HS1BP3: variants seen among roughly 807,000 people sequenced by gnomAD.
The protein encoded by HS1BP3 is HCLS1 binding protein 3.
A neutral mutation model predicts 33.5 loss-of-function variants in HS1BP3; 32 were observed. The ratio of observed to expected loss-of-function variants is 0.95; its 90% confidence interval spans 0.72 to 1.28. The LOEUF (loss-of-function observed/expected upper bound fraction) is 1.28, where lower values mean the gene tolerates loss of function less well. Ranked by LOEUF, HS1BP3 falls within the 50% of genes most tolerant of loss-of-function variation. The pLI, the probability that HS1BP3 is intolerant of heterozygous loss-of-function variation, is 0.00. For synonymous variants in HS1BP3, 187 were observed against 209.2 expected (o/e 0.89, Z 0.92); for missense variants, 486 against 502.3 (o/e 0.97, Z 0.31).
chr2:20,641,462 A>C (rs1572361056), intron 2 of HS1BP3, among the ~76,000 whole-genome samples: 1 of 151,910 alleles, frequency 6.6e-6, no homozygotes, highest in South Asian at 2.1e-4. Context: ...TGATACAGGG[A>C]CCCCTGCCCA....
chr2:20,639,911 G>C (rs1312332665), intron 3 of HS1BP3: 1 of 152,272 alleles, frequency 6.6e-6, no homozygotes, highest in Non-Finnish European at 1.5e-5. Context: ...GGAACAACAA[G>C]GGCAGAAGAG....
At chr2:20,606,645 TG>T in intron 2 of HS1BP3, 1 of 451,786 alleles carries the variant, frequency 2.2e-6, no homozygotes. Context: ...TTCTTGTCCT[TG>T]GGTGGCATTG....
intron 1 of HS1BP3, among the ~76,000 whole-genome samples, chr2:20,646,834 G>C (rs932990064): frequency 6.6e-6 from 1 of 152,228 alleles, no homozygotes; most frequent in Non-Finnish European, 1.5e-5. Context: ...CCTGTGTGAA[G>C]TCACTTCCGC....
At chr2:20,635,967 A>T (rs1234171108) in intron 4 of HS1BP3, 2 of 152,216 alleles carry the variant, frequency 1.3e-5, no homozygotes, top group Non-Finnish European at 2.9e-5. Flanking sequence ...GCCGTGGAGC[A>T]GCCCTTCAGC....
chr2:20,576,377 T>C (rs1693400353), intron 5 of HS1BP3, among the ~76,000 whole-genome samples: 1 of 152,228 alleles, frequency 6.6e-6, no homozygotes, highest in Non-Finnish European at 1.5e-5. Flanking sequence ...GAGAACCAGC[T>C]GGAACCTCAC....
At chr2:20,585,981 G>C (rs1693671156) in intron 5 of HS1BP3, among the ~76,000 whole-genome samples, 1 of 152,052 alleles carries the variant, frequency 6.6e-6, no homozygotes, top group South Asian at 2.1e-4. Context: ...GGCAGGGCTG[G>C]GGCTAGAACT....
At chr2:20,617,003 T>C (rs1334882034), downstream of HS1BP3, among the ~76,000 whole-genome samples, 1 of 151,946 alleles carries the variant, frequency 6.6e-6, no homozygotes, top group Non-Finnish European at 1.5e-5. Flanking sequence ...CCACAGTGGA[T>C]GAATACACAA....
intron 3 of HS1BP3, among the ~76,000 whole-genome samples, chr2:20,594,795 G>A (rs1417740169): frequency 2.6e-5 from 4 of 152,208 alleles, no homozygotes; most frequent in African/African-American, 9.6e-5. Context: ...CGGTGTCTGG[G>A]AGGGCTGGCT....
chr2:20,607,026 T>C (rs1350645493), intron 2 of HS1BP3, among the ~76,000 whole-genome samples: 1 of 152,128 alleles, frequency 6.6e-6, no homozygotes, highest in African/African-American at 2.4e-5. Flanking sequence ...TAATAATCCA[T>C]GGCCAAATCT....
At chr2:20,565,745 A>C (rs1444150653) in intron 5 of HS1BP3, among the ~76,000 whole-genome samples, 1 of 152,238 alleles carries the variant, frequency 6.6e-6, no homozygotes, top group Non-Finnish European at 1.5e-5. Context: ...TCCAGGGCCA[A>C]GCCAAAGCCA....
At chr2:20,635,094 T>A (rs1363084238) in intron 4 of HS1BP3, 3 of 152,196 alleles carry the variant, frequency 2.0e-5, no homozygotes, top group Non-Finnish European at 4.4e-5. Context: ...ACAGAGGGGC[T>A]TCAGCCCTTA....
intron 5 of HS1BP3, among the ~76,000 whole-genome samples, chr2:20,573,773 G>A (rs1177859043): frequency 6.6e-6 from 1 of 152,196 alleles, no homozygotes; most frequent in Non-Finnish European, 1.5e-5. Context: ...AGCAAAGCCC[G>A]GAATCCAGAC....
chr2:20,637,381 C>T (rs369203048), intron 4 of HS1BP3: 1 of 152,272 alleles, frequency 6.6e-6, no homozygotes, highest in Admixed American at 6.5e-5. Flanking sequence ...ACCCACTACT[C>T]TGGCTGCCTC....
chr2:20,622,558 C>T, intron 6 of HS1BP3: 2 of 347,710 alleles, frequency 5.8e-6, no homozygotes, highest in South Asian at 4.4e-5. Flanking sequence ...TCATCAGCCA[C>T]AGAGCCCCTT....
intron 5 of HS1BP3, among the ~76,000 whole-genome samples, chr2:20,569,190 C>CA (rs1345659208): frequency 1.3e-5 from 2 of 152,188 alleles, no homozygotes; most frequent in East Asian, 3.9e-4. Context: ...CCACCACCCC[C>CA]AAAAGGCAGA....
At chr2:20,629,432 A>G (rs10187254) in intron 4 of HS1BP3, among the ~76,000 whole-genome samples, 51,941 of 152,050 alleles carry the variant, frequency 0.34, 9,199 homozygotes, top group East Asian at 0.59. Flanking sequence ...CCTCACTGAC[A>G]TGGAGGAAGG....
chr2:20,606,523 G>A, intron 2 of HS1BP3: 1 of 466,442 alleles, frequency 2.1e-6, no homozygotes, highest in Admixed American at 2.4e-5. Context: ...CTAAGTTATT[G>A]GGCTTGTCCC....
At chr2:20,585,806 G>A (rs1693667455) in intron 5 of HS1BP3, among the ~76,000 whole-genome samples, 1 of 152,212 alleles carries the variant, frequency 6.6e-6, no homozygotes, top group Admixed American at 6.5e-5. Context: ...CAGCAGCCCC[G>A]TCATGGGATG....
chr2:20,630,217 C>G (rs1572349394), intron 4 of HS1BP3, among the ~76,000 whole-genome samples: 1 of 152,214 alleles, frequency 6.6e-6, no homozygotes, highest in Admixed American at 6.5e-5. Flanking sequence ...AACTAATGCA[C>G]TTTTCATACT....
Sources: allele counts gnomAD v4.1 joint callset (sites outside exome capture counted in the v4.1 genomes callset), GRCh38; gene constraint gnomAD v4.1.1; transcripts MANE v1.5; gene names NCBI Gene and HGNC (gene_info 2026-07-23, HGNC 2026-07-21).